The following TRIP12 variants were observed in gnomAD, a reference collection of about 807,000 sequenced individuals.
TRIP12 encodes the protein thyroid hormone receptor interactor 12.
A neutral mutation model predicts 244.2 loss-of-function variants in TRIP12; 25 were observed. The observed-to-expected ratio is 0.10, with a 90% CI of 0.07 to 0.14. TRIP12 has a LOEUF of 0.14. Ranked by LOEUF, TRIP12 falls within the 10% of genes least tolerant of loss-of-function variation. The pLI is 1.00. For synonymous variants in TRIP12, 905 were observed against 873.1 expected, an observed-to-expected ratio of 1.04 and a Z score of -0.64; for missense variants, 1,677 against 2,486.4, an observed-to-expected ratio of 0.67 and a Z score of 6.92.
chr2:229,829,077 T>A, intron 8 of TRIP12, 116 bp downstream of exon 8: 1 of 853,204 alleles, frequency 1.2e-6, no homozygotes, highest in East Asian at 2.7e-5. Context: ...GCCTTATTTT[T>A]AAAAATGGGT....
chr2:229,896,254 CGTT>C (rs1382745666), intron 1 of TRIP12, among the ~76,000 whole-genome samples: 1 of 152,018 alleles, frequency 6.6e-6, no homozygotes, highest in East Asian at 1.9e-4. Context: ...ATTTTAAGGT[CGTT>C]GTATTTTCCA....
chr2:229,833,396 T>C (rs1197062050), intron 6 of TRIP12, among the ~76,000 whole-genome samples: 8 of 152,176 alleles, frequency 5.3e-5, no homozygotes, highest in Non-Finnish European at 8.8e-5. Context: ...CAAGCGATCC[T>C]CCTGCCTCCG....
chr2:229,917,434 G>A (rs1310975709), intron 1 of TRIP12, among the ~76,000 whole-genome samples: 7 of 93,176 alleles, frequency 7.5e-5, no homozygotes, highest in South Asian at 3.8e-4. Flanking sequence ...CAAGCACTAA[G>A]ATTATATACA....
chr2:229,845,850 T>C (rs2057458264), intron 4 of TRIP12, among the ~76,000 whole-genome samples: 1 of 125,428 alleles, frequency 8.0e-6, no homozygotes, highest in South Asian at 2.9e-4. Flanking sequence ...ACATAGTTTC[T>C]ACAAAAAATT....
intron 8 of TRIP12, among the ~76,000 whole-genome samples, chr2:229,822,986 C>T (rs2050481015): frequency 6.6e-6 from 1 of 152,098 alleles, no homozygotes; most frequent in Non-Finnish European, 1.5e-5. Flanking sequence ...AATTTAAAAA[C>T]TGATCAATAG....
At chr2:229,844,518 G>A (rs1418748027) in intron 4 of TRIP12, among the ~76,000 whole-genome samples, 1 of 152,152 alleles carries the variant, frequency 6.6e-6, no homozygotes, top group African/African-American at 2.4e-5. Flanking sequence ...ATGGTAATCT[G>A]AGATACACAT....
At chr2:229,905,075 G>C (rs1449550660) in intron 1 of TRIP12, among the ~76,000 whole-genome samples, 1 of 152,168 alleles carries the variant, frequency 6.6e-6, no homozygotes, top group Non-Finnish European at 1.5e-5. Flanking sequence ...GGGAGTTCGA[G>C]ACCTGCCTGA....
chr2:229,875,039 C>G (rs1473701823), intron 2 of TRIP12, among the ~76,000 whole-genome samples: 1 of 152,004 alleles, frequency 6.6e-6, no homozygotes, highest in African/African-American at 2.4e-5. Flanking sequence ...GAGAGCAAGT[C>G]AACAGAGAAG....
intron 33 of TRIP12, 50 bp downstream of exon 33, chr2:229,787,455 C>A: frequency 6.4e-7 from 1 of 1,562,188 alleles, no homozygotes; most frequent in South Asian, 1.2e-5. Context: ...TAGTTTTTCC[C>A]ATTATTTTGA....
At chr2:229,902,917 T>C (rs2071413562) in intron 1 of TRIP12, among the ~76,000 whole-genome samples, 1 of 152,178 alleles carries the variant, frequency 6.6e-6, no homozygotes, top group African/African-American at 2.4e-5. Flanking sequence ...GTCATTCATA[T>C]TAGACTGCAT....
intron 6 of TRIP12, among the ~76,000 whole-genome samples, chr2:229,836,329 C>T (rs2154304274): frequency 6.6e-6 from 1 of 152,144 alleles, no homozygotes; most frequent in Admixed American, 6.5e-5. Flanking sequence ...AAGTATTAGC[C>T]TTGTTTTGGT....
intron 2 of TRIP12, among the ~76,000 whole-genome samples, chr2:229,862,938 A>C (rs1328359600): frequency 6.6e-6 from 1 of 152,198 alleles, no homozygotes; most frequent in Non-Finnish European, 1.5e-5. Flanking sequence ...GCTTAAATTC[A>C]GCAATGCCCA....
intron 1 of TRIP12, among the ~76,000 whole-genome samples, chr2:229,881,080 A>G (rs1455762892): frequency 6.6e-6 from 1 of 152,198 alleles, no homozygotes; most frequent in Non-Finnish European, 1.5e-5. Flanking sequence ...GCTGGCCGTG[A>G]CCTTGGACAA....
chr2:229,799,466 C>A, intron 21 of TRIP12, 83 bp from the exon 22 acceptor site: 2 of 1,263,886 alleles, frequency 1.6e-6, no homozygotes, highest in Non-Finnish European at 2.3e-6. Context: ...ACTAAAATGG[C>A]AGAAACAGGG....
rs1198949723 is a variant in TRIP12 at position 229,814,020 on chromosome 2, T to C, written c.1836A>G (p.Ala612=). 2 of 1,578,552 alleles carry C rather than the reference T, an allele frequency of 1.3e-6. No individual in the cohort carries two copies. Among genetic ancestry groups the C allele is most frequent in the South Asian group, 2.3e-5 (2 of 87,986 alleles). The stretch of plus-strand genomic sequence containing the variant: ...AGAATTCTAGGTACAGCAAGCAGTC[T>C]GCCAAACCACCCTAAAATATAGAAA... ...SKAILQAGGL[A]DCLLYLEFFS... The change falls in exon 13 of 42, where the codon GCA becomes GCG. Residue 612 remains alanine (A), a synonymous_variant. Transcript: ENST00000675903.
Position 229,840,559 on chromosome 2 carries a change from G to A in TRIP12, c.1133+263C>T, listed in dbSNP as rs572157010. Among the ~76,000 whole-genome samples the A allele has an allele frequency of 2.6e-5, 4 of 152,050 alleles. No homozygotes were observed. The East Asian group carries it at 7.7e-4, about 29-fold the overall frequency. On this transcript the variant is annotated intron_variant, in intron 5 of 41. Coordinates refer to ENST00000675903, the MANE Select transcript of TRIP12 (RefSeq NM_001348323.3). ...TCTACTAAAAATAAAAAAATTAGCT[G>A]GGTGGGGTGGCAGGCACCTGTAATC...
intron 2 of TRIP12, among the ~76,000 whole-genome samples, chr2:229,860,780 C>A (rs1004296413): frequency 2.0e-5 from 3 of 152,070 alleles, no homozygotes; most frequent in Non-Finnish European, 2.9e-5. Flanking sequence ...CATAATTGCA[C>A]AGCGTTGTTA....
chr2:229,786,301 C>A (rs540272183), intron 33 of TRIP12, among the ~76,000 whole-genome samples: 1 of 152,024 alleles, frequency 6.6e-6, no homozygotes, highest in Admixed American at 6.6e-5. Context: ...CTACTACAAA[C>A]ACCTGCAAAT....
intron 4 of TRIP12, among the ~76,000 whole-genome samples, chr2:229,856,216 G>A (rs375105283): frequency 5.2e-4 from 79 of 152,234 alleles, no homozygotes; most frequent in African/African-American, 1.6e-3. Flanking sequence ...CAGTGAAAAC[G>A]GAAAAGTGAT....
Sources: allele counts gnomAD v4.1 joint callset (sites outside exome capture counted in the v4.1 genomes callset), GRCh38; gene constraint gnomAD v4.1.1; transcripts MANE v1.5; gene names NCBI Gene and HGNC (gene_info 2026-07-23, HGNC 2026-07-21).